Variants in RALGPS1 observed in about 807,000 individuals in gnomAD.
RALGPS1 encodes the protein ras-specific guanine nucleotide-releasing factor RalGPS1.
A neutral mutation model predicts 78.8 loss-of-function variants in RALGPS1; 19 were observed. The ratio of observed to expected loss-of-function variants is 0.24; its 90% CI spans 0.17 to 0.35. The LOEUF (loss-of-function observed/expected upper bound fraction) is 0.35. RALGPS1 is among the 10% of genes least tolerant of loss of function. The probability of loss-of-function intolerance (pLI) is 1.00; values close to 1 mark genes in which losing one functional copy is unlikely to be tolerated. For missense variants in RALGPS1, 454 were observed against 688.3 expected (o/e 0.66, Z 3.81); for synonymous variants, 228 against 256.3 (o/e 0.89, Z 1.06).
chr9:126,984,068 T>G (rs1428675946), intron 4 of RALGPS1, among the ~76,000 whole-genome samples: 1 of 152,188 alleles, frequency 6.6e-6, no homozygotes, highest in African/African-American at 2.4e-5. Context: ...AATTGAGTAT[T>G]TTATTGGTCC....
At chr9:127,064,885 T>G (rs552072810) in intron 7 of RALGPS1, among the ~76,000 whole-genome samples, 22 of 104,058 alleles carry the variant, frequency 2.1e-4, no homozygotes, top group Admixed American at 1.1e-3. Context: ...TTTTGTTTTG[T>G]TTTTGGTTTT....
At chr9:127,101,819 C>T (rs980389932) in intron 8 of RALGPS1, among the ~76,000 whole-genome samples, 3 of 152,094 alleles carry the variant, frequency 2.0e-5, no homozygotes, top group Admixed American at 6.6e-5. Flanking sequence ...GCATTTATAA[C>T]GTAAACAAAT....
At chr9:127,101,812 T>A (rs2053757876) in intron 8 of RALGPS1, among the ~76,000 whole-genome samples, 1 of 152,186 alleles carries the variant, frequency 6.6e-6, no homozygotes, top group African/African-American at 2.4e-5. Context: ...AGCTGTTGCA[T>A]TTATAACGTA....
chr9:127,163,909 CT>C (rs1294926683), intron 8 of RALGPS1, among the ~76,000 whole-genome samples: 10 of 152,230 alleles, frequency 6.6e-5, no homozygotes, highest in Non-Finnish European at 1.2e-4. Flanking sequence ...AAATTTCCCC[CT>C]GATTACCATT....
intron 4 of RALGPS1, among the ~76,000 whole-genome samples, chr9:127,016,088 T>C (rs2044794978): frequency 6.6e-6 from 1 of 152,078 alleles, no homozygotes; most frequent in East Asian, 1.9e-4. Flanking sequence ...TCCCATCTGT[T>C]CCCAGGCTCC....
chr9:127,192,523 T>C (rs1402576984), intron 11 of RALGPS1, among the ~76,000 whole-genome samples: 2 of 152,050 alleles, frequency 1.3e-5, no homozygotes, highest in Non-Finnish European at 1.5e-5. Context: ...GGTGGCACCC[T>C]CCTGTGATCC....
chr9:127,184,239 G>A (rs1475308381), intron 11 of RALGPS1: 1 of 534,138 alleles, frequency 1.9e-6, no homozygotes, highest in Admixed American at 3.0e-5. Context: ...GAGATCGCTT[G>A]ATCCCAGGAG....
intron 8 of RALGPS1, chr9:127,107,791 G>A: frequency 1.0e-6 from 1 of 975,934 alleles, no homozygotes. Context: ...ATTGCTGGGG[G>A]ATTGTGCATG....
chr9:127,123,041 AGCAGCAG>A (rs1191270976), intron 8 of RALGPS1, among the ~76,000 whole-genome samples: 3 of 152,352 alleles, frequency 2.0e-5, no homozygotes, highest in Admixed American at 2.0e-4. Flanking sequence ...GCCGCGTGCG[AGCAGCAG>A]GCAGCGGGTC....
chr9:126,972,298 T>C (rs1441754301), intron 3 of RALGPS1, among the ~76,000 whole-genome samples: 1 of 152,250 alleles, frequency 6.6e-6, no homozygotes, highest in Non-Finnish European at 1.5e-5. Flanking sequence ...TGGGGCAGTT[T>C]ATAATCTTAA....
At chr9:127,132,119 T>A (rs575655942) in intron 8 of RALGPS1, among the ~76,000 whole-genome samples, 43 of 152,300 alleles carry the variant, frequency 2.8e-4, no homozygotes, top group Non-Finnish European at 4.6e-4. Context: ...TTACGTATCA[T>A]GCAGGAAAAA....
intron 7 of RALGPS1, among the ~76,000 whole-genome samples, chr9:127,067,592 C>T (rs1297079462): frequency 1.3e-5 from 2 of 152,244 alleles, no homozygotes; most frequent in African/African-American, 4.8e-5. Context: ...CACTCCTCTC[C>T]ATTGCACAAT....
At chr9:126,936,529 T>A (rs924430762) in intron 1 of RALGPS1, among the ~76,000 whole-genome samples, 3 of 152,240 alleles carry the variant, frequency 2.0e-5, no homozygotes, top group South Asian at 2.1e-4. Flanking sequence ...CAGATTTATT[T>A]ATTATTTTTT....
At chr9:127,131,868 T>C (rs2057028097) in intron 8 of RALGPS1, among the ~76,000 whole-genome samples, 1 of 152,236 alleles carries the variant, frequency 6.6e-6, no homozygotes, top group Non-Finnish European at 1.5e-5. Flanking sequence ...TCAGTGGTTC[T>C]CGAGCTTTTG....
intron 8 of RALGPS1, among the ~76,000 whole-genome samples, chr9:127,128,806 G>A (rs2138109275): frequency 6.6e-6 from 1 of 152,340 alleles, no homozygotes; most frequent in Non-Finnish European, 1.5e-5. Flanking sequence ...TTCTAAGGTG[G>A]TGCTACTGTC....
intron 5 of RALGPS1, among the ~76,000 whole-genome samples, chr9:127,036,216 T>C (rs1382651349): frequency 6.6e-6 from 1 of 152,234 alleles, no homozygotes; most frequent in African/African-American, 2.4e-5. Flanking sequence ...CATCAGCCAG[T>C]CGGAGAGCCA....
intron 11 of RALGPS1, among the ~76,000 whole-genome samples, chr9:127,181,634 C>G (rs1444791669): frequency 2.9e-4 from 44 of 152,218 alleles, no homozygotes; most frequent in Admixed American, 2.9e-3. Flanking sequence ...CAAACCTGAT[C>G]TAACATTAAC....
At chr9:127,074,698 A>C (rs879729499) in intron 8 of RALGPS1, among the ~76,000 whole-genome samples, 1 of 152,256 alleles carries the variant, frequency 6.6e-6, no homozygotes, top group East Asian at 1.9e-4. Context: ...CATTTCACTG[A>C]ATGCGCACAA....
chr9:126,977,163 C>T (rs1239315326), intron 3 of RALGPS1, among the ~76,000 whole-genome samples: 4 of 152,124 alleles, frequency 2.6e-5, no homozygotes, highest in African/African-American at 4.8e-5. Flanking sequence ...TTTGTTGTCC[C>T]GTGCTGGTCT....
Sources: gnomAD v4.1 joint callset for allele counts (sites outside exome capture counted in the v4.1 genomes callset) on GRCh38, gnomAD v4.1.1 for gene constraint, MANE v1.5 for transcripts, NCBI Gene and HGNC (gene_info 2026-07-23, HGNC 2026-07-21) for gene names.